The following SLC2A13 variants were observed in gnomAD, a reference collection of about 807,000 sequenced individuals.
SLC2A13 encodes solute carrier family 2 member 13, also known as proton myo-inositol cotransporter.
A neutral mutation model predicts 64.4 loss-of-function variants in SLC2A13; 32 were observed. The ratio of observed to expected loss-of-function variants is 0.50; its 90% CI spans 0.37 to 0.67. The LOEUF is 0.67. Among genes scored for constraint, SLC2A13 ranks in the 30% least tolerant of loss-of-function variants. The pLI, the probability that SLC2A13 is intolerant of heterozygous loss-of-function variation, is 0.00. For synonymous variants in SLC2A13, 338 were observed against 327.1 expected (o/e 1.03, Z -0.36); for missense variants, 743 against 829.2 (o/e 0.90, Z 1.28).
intron 4 of SLC2A13, among the ~76,000 whole-genome samples, chr12:39,935,416 G>A (rs1253215406): frequency 1.3e-5 from 2 of 152,068 alleles, no homozygotes; most frequent in Admixed American, 6.6e-5. Flanking sequence ...GGTCATGTCT[G>A]CAGACTAGTT....
intron 6 of SLC2A13, among the ~76,000 whole-genome samples, chr12:39,847,432 G>A (rs1248083951): frequency 6.6e-6 from 1 of 151,988 alleles, no homozygotes; most frequent in African/African-American, 2.4e-5. Flanking sequence ...GATTAATTCT[G>A]TCCAATGAGA....
intron 2 of SLC2A13, among the ~76,000 whole-genome samples, chr12:40,034,213 A>G (rs1947944399): frequency 6.6e-6 from 1 of 152,176 alleles, no homozygotes; most frequent in Admixed American, 6.5e-5. Context: ...GACACTTTTC[A>G]CTTTGAGAGG....
intron 4 of SLC2A13, among the ~76,000 whole-genome samples, chr12:39,921,402 T>G (rs1398383584): frequency 6.6e-6 from 1 of 152,082 alleles, no homozygotes; most frequent in African/African-American, 2.4e-5. Context: ...CATTTTACCC[T>G]GTTCAGGTAC....
chr12:40,028,166 T>A, intron 3 of SLC2A13, 135 bp downstream of exon 3: 4 of 421,238 alleles, frequency 9.5e-6, no homozygotes, highest in Non-Finnish European at 1.6e-5. Context: ...GATATTTTTG[T>A]ATAAATATAA....
intron 7 of SLC2A13, among the ~76,000 whole-genome samples, chr12:39,774,617 T>C (rs1450567705): frequency 6.6e-6 from 1 of 151,168 alleles, no homozygotes; most frequent in Non-Finnish European, 1.5e-5. Flanking sequence ...GTAATTTTCC[T>C]GCAGAAGATT....
At position 39,971,612 on chromosome 12, in the gene SLC2A13, T is replaced by C. The variant is rs1040663621; in HGVS notation, c.926-20247A>G. Among the ~76,000 whole-genome samples, 3 of 152,144 alleles carry C rather than the reference T, an allele frequency of 2.0e-5. No individual in the cohort carries two copies. In the South Asian group the frequency reaches 6.2e-4, roughly 31 times the overall value. On this transcript the variant is annotated intron_variant, in intron 3 of 9. Coordinates refer to ENST00000280871, the MANE Select transcript of SLC2A13 (RefSeq NM_052885.4). ...GCAGTTGCTTCCTCCCATTACCTTC[T>C]GACACACTCTATAACAATCCATATA...
At chr12:40,049,092 G>A (rs1053201901) in intron 1 of SLC2A13, among the ~76,000 whole-genome samples, 1 of 151,834 alleles carries the variant, frequency 6.6e-6, no homozygotes, top group Non-Finnish European at 1.5e-5. Context: ...TTCCATGTAT[G>A]TCTGATTATT....
At chr12:39,976,867 A>T (rs989591581) in intron 3 of SLC2A13, among the ~76,000 whole-genome samples, 1 of 152,194 alleles carries the variant, frequency 6.6e-6, no homozygotes, top group Non-Finnish European at 1.5e-5. Context: ...TTCTGGCCTT[A>T]TCATTAAGAT....
At chr12:39,957,958 C>T (rs1946345752) in intron 3 of SLC2A13, among the ~76,000 whole-genome samples, 1 of 152,158 alleles carries the variant, frequency 6.6e-6, no homozygotes, top group African/African-American at 2.4e-5. Context: ...AGTGCTCTAA[C>T]AGAGGTACAT....
intron 4 of SLC2A13, among the ~76,000 whole-genome samples, chr12:39,944,947 T>C (rs1367710760): frequency 6.6e-6 from 1 of 152,216 alleles, no homozygotes; most frequent in African/African-American, 2.4e-5. Context: ...ATTTTTGTTT[T>C]ATAGGTGCTG....
chr12:39,762,495 T>C (rs1444280872), intron 9 of SLC2A13, among the ~76,000 whole-genome samples: 1 of 150,214 alleles, frequency 6.7e-6, no homozygotes, highest in Non-Finnish European at 1.5e-5. Flanking sequence ...AAATGGCATA[T>C]TGGTGATATA....
At chr12:40,038,556 C>A (rs1375600143) in intron 2 of SLC2A13, among the ~76,000 whole-genome samples, 1 of 151,660 alleles carries the variant, frequency 6.6e-6, no homozygotes, top group African/African-American at 2.4e-5. Flanking sequence ...ATGGTAAAAC[C>A]CTGTCTCTAC....
intron 7 of SLC2A13, among the ~76,000 whole-genome samples, chr12:39,799,129 C>T (rs1259756606): frequency 3.4e-5 from 5 of 145,270 alleles, no homozygotes; most frequent in African/African-American, 1.0e-4. Flanking sequence ...TCCCAGGCTG[C>T]TAGAGTGCAG....
intron 6 of SLC2A13, among the ~76,000 whole-genome samples, chr12:39,848,180 GAT>G (rs1346165247): frequency 6.6e-6 from 1 of 152,094 alleles, no homozygotes; most frequent in Non-Finnish European, 1.5e-5. Context: ...TGACAAGTGG[GAT>G]CTAATTAAAC....
intron 4 of SLC2A13, among the ~76,000 whole-genome samples, chr12:39,898,307 C>T (rs908223038): frequency 5.3e-5 from 8 of 152,016 alleles, no homozygotes; most frequent in African/African-American, 1.7e-4. Flanking sequence ...GCCTTATACA[C>T]CCACATGCCC....
chr12:40,064,855 C>A (rs1461149422), intron 1 of SLC2A13, among the ~76,000 whole-genome samples: 1 of 152,000 alleles, frequency 6.6e-6, no homozygotes, highest in Non-Finnish European at 1.5e-5. Flanking sequence ...TAAATCAAAC[C>A]TTATCAAATA....
chr12:39,833,044 C>T (rs1439299336), intron 6 of SLC2A13, among the ~76,000 whole-genome samples: 1 of 152,064 alleles, frequency 6.6e-6, no homozygotes, highest in East Asian at 1.9e-4. Context: ...TTTACTTCTG[C>T]TTACATTTAT....
chr12:40,023,041 C>G (rs1947749139), intron 3 of SLC2A13, among the ~76,000 whole-genome samples: 2 of 152,154 alleles, frequency 1.3e-5, no homozygotes, highest in African/African-American at 4.8e-5. Context: ...GCCTGCCTTC[C>G]TTTACTCAAT....
chr12:40,023,728 A>G (rs1428607208), intron 3 of SLC2A13, among the ~76,000 whole-genome samples: 3 of 152,172 alleles, frequency 2.0e-5, no homozygotes, highest in African/African-American at 7.2e-5. Flanking sequence ...CCTACTTTTA[A>G]TATCATCTCT....
Sources: allele counts gnomAD v4.1 joint callset (sites outside exome capture counted in the v4.1 genomes callset), GRCh38; gene constraint gnomAD v4.1.1; transcripts MANE v1.5; gene names NCBI Gene and HGNC (gene_info 2026-07-23, HGNC 2026-07-21).